The following LAMP1 variants were observed in gnomAD, a reference collection of about 807,000 sequenced individuals.
The protein encoded by LAMP1 is lysosome associated membrane protein 1.
Under a neutral mutation model 37.5 loss-of-function variants are expected in LAMP1, and 7 were observed. The observed-to-expected ratio is 0.19, with a 90% CI of 0.11 to 0.35. The LOEUF (loss-of-function observed/expected upper bound fraction) is 0.35. LAMP1 is among the 10% of genes least tolerant of loss of function. The probability of loss-of-function intolerance (pLI) is 1.00; values close to 1 mark genes in which losing one functional copy is unlikely to be tolerated. For missense variants in LAMP1, 537 were observed against 552.8 expected, an observed-to-expected ratio of 0.97 and a Z score of 0.29; for synonymous variants, 236 against 229.1, an observed-to-expected ratio of 1.03 and a Z score of -0.27.
chr13:113,320,618 C>A lies in LAMP1; in HGVS notation c.876+148C>A. On this transcript the variant is annotated intron_variant, in intron 6 of 8. Transcript: ENST00000332556. The surrounding 1 kb of genome is among the most constrained non-coding windows in gnomAD (Gnocchi z 4.4). ...CCCTTTATCCTGGGCTTTTTAGTTC[C>A]TTGGTTCCCCTCCCCCCTTTCCATT... 1.4e-6 allele frequency: 1 copy of A among 740,504 alleles called. No homozygotes were observed. The highest frequency in any genetic ancestry group is 2.2e-6 in the Non-Finnish European group (1 of 465,080). 45.9% of individuals were successfully genotyped at this position (740,504 alleles called of 1,614,324 possible).
intron 1 of LAMP1, 84 bp from the exon 2 acceptor site, chr13:113,306,401 C>A: frequency 7.0e-7 from 1 of 1,419,460 alleles, no homozygotes; most frequent in South Asian, 1.3e-5. Flanking sequence ...AAAGCCATCA[C>A]TGCTACAGCT....
At chr13:113,314,503 G>A (rs1356739284) in intron 4 of LAMP1, among the ~76,000 whole-genome samples, 1 of 71,220 alleles carries the variant, frequency 1.4e-5, no homozygotes, top group Non-Finnish European at 2.5e-5. Flanking sequence ...CCTGGGGCGT[G>A]GCCTCCTAGA....
chr13:113,310,806 C>T lies in LAMP1; in HGVS notation c.501C>T (p.Thr167=), dbSNP rs371847599. 47 of 1,613,696 alleles carry T rather than the reference C, an allele frequency of 2.9e-5. No individual in the cohort carries two copies. The highest frequency in any genetic ancestry group is 1.8e-4 in the South Asian group (16 of 91,052). Residue 167 remains threonine, a synonymous_variant, in exon 4 of 9, where the codon ACC becomes ACT. Coordinates refer to ENST00000332556, the MANE Select transcript of LAMP1 (RefSeq NM_005561.4). ...CCCAGGTCCACATGAACAACGTGAC[C>T]GTAACGCTCCATGATGCCACCATCC... The part of the protein sequence containing the change: ...SGTQVHMNNV[T]VTLHDATIQA...
At chr13:113,322,155 A>T in intron 8 of LAMP1, 127 bp from the exon 9 acceptor site, 1 of 1,070,030 alleles carries the variant, frequency 9.3e-7, no homozygotes, top group Non-Finnish European at 1.3e-6. Flanking sequence ...AATTCCAGCT[A>T]GAGCTGGAAC....
At chr13:113,314,792 G>T (rs574252084) in intron 4 of LAMP1, among the ~76,000 whole-genome samples, 36 of 66,732 alleles carry the variant, frequency 5.4e-4, no homozygotes, top group African/African-American at 2.2e-3. Context: ...CTGGGGCGTG[G>T]CCTCCTAGAG....
intron 4 of LAMP1, among the ~76,000 whole-genome samples, chr13:113,319,253 G>A (rs1230915112): frequency 6.6e-6 from 1 of 152,180 alleles, no homozygotes; most frequent in Non-Finnish European, 1.5e-5. Context: ...GGTGCCCCAC[G>A]GGCCTGTGCC....
rs1276570763 is a variant in LAMP1 at position 113,322,368 on chromosome 13, A to C, written c.1201A>C (p.Ile401Leu). 2.5e-6 allele frequency: 4 copies of C among 1,613,734 alleles called. No homozygotes were observed. The change falls in exon 9 of 9, where the codon ATC (isoleucine) becomes CTC (leucine). Residue 401 changes from isoleucine to leucine, a missense_variant. By Grantham distance (5) the Ile-to-Leu change is conservative (BLOSUM62 2). Transcript: ENST00000332556. ...GGCGGGGCTGGTCCTCATCGTCCTC[A>C]TCGCCTACCTCGTCGGCAGGAAGAG... Reference protein sequence around the residue: ...ALAGLVLIVLIAYLVGRKRSH... With the variant: ...ALAGLVLIVLLAYLVGRKRSH...
At chr13:113,310,650 C>A (rs1595460063) in intron 3 of LAMP1, 59 bp from the exon 4 acceptor site, 57 of 1,196,480 alleles carry the variant, frequency 4.8e-5, no homozygotes, top group South Asian at 2.5e-4. Context: ...AAATAAAAAA[C>A]ACATAAACTA....
intron 1 of LAMP1, among the ~76,000 whole-genome samples, chr13:113,299,315 A>G (rs934902835): frequency 2.0e-5 from 3 of 150,696 alleles, no homozygotes; most frequent in Non-Finnish European, 4.4e-5. Context: ...CCCAGGCTGG[A>G]GTGCAGTGGC....
At chr13:113,301,392 G>C (rs9577500) in intron 1 of LAMP1, among the ~76,000 whole-genome samples, 128,324 of 151,728 alleles carry the variant, frequency 0.85, 57,854 homozygotes, top group Non-Finnish European at 1. Flanking sequence ...AGGCCGAGGT[G>C]GGTGGATTGC....
At position 113,297,494 on chromosome 13, in the gene LAMP1, C is replaced by G. The variant is rs1210887029; in HGVS notation, c.60C>G (p.Leu20=). ...PLLLLLLLLL[L]GLMHCASAAM... ...TGCTGCTACTGCTGTTGCTGCTGCT[C>G]GGTGAGGGGGTCGAGGCGGGGCCTG... The change falls in exon 1 of 9, where the codon CTC becomes CTG. Residue 20 remains leucine (L), a splice_region_variant and synonymous_variant. Coordinates refer to ENST00000332556, the MANE Select transcript of LAMP1 (RefSeq NM_005561.4). This position sits in a 1 kb window ranked among gnomAD's most constrained non-coding sequence, Gnocchi z 4.4. The G allele has an allele frequency of 8.0e-7, 1 of 1,252,482 alleles. No individual in the cohort carries two copies. Among genetic ancestry groups the G allele is most frequent in the African/African-American group, 1.6e-5 (1 of 64,436 alleles). 77.6% of individuals were successfully genotyped at this position (1,252,482 alleles called of 1,614,324 possible).
chr13:113,308,919 A>G (rs2042614706), intron 2 of LAMP1, among the ~76,000 whole-genome samples: 1 of 152,146 alleles, frequency 6.6e-6, no homozygotes, highest in Non-Finnish European at 1.5e-5. Flanking sequence ...AAATTTAAAC[A>G]TTTCTGCTAT....
intron 4 of LAMP1, among the ~76,000 whole-genome samples, chr13:113,318,917 T>C (rs2042681458): frequency 6.6e-6 from 1 of 152,158 alleles, no homozygotes; most frequent in Non-Finnish European, 1.5e-5. Context: ...CCTCCTTGGC[T>C]GCTCTGCGTC....
rs749079016 is a variant in LAMP1 at position 113,309,765 on chromosome 13, C to A, written c.306C>A (p.Leu102=). 2 of 1,614,198 alleles carry A rather than the reference C, an allele frequency of 1.2e-6. No homozygotes were observed. Among genetic ancestry groups the A allele is most frequent in the Admixed American group, 3.3e-5 (2 of 60,024 alleles). ...TTGGAAGAGGACATACACTCACTCT[C>A]AATTTCACGAGAAATGCAACACGTT... is the stretch of plus-strand genomic sequence containing the variant. ...IAFGRGHTLT[L]NFTRNATRYS... The change falls in exon 3 of 9, where the codon CTC becomes CTA. Residue 102 remains leucine, a synonymous_variant. Transcript: ENST00000332556.
In LAMP1 at chr13:113,313,646, T is replaced by C. The variant is rs971482682; in HGVS notation, c.562+2779T>C. The stretch of plus-strand genomic sequence containing the variant: ...TCGGTGTGCCTGGGGTGTGGCCTCC[T>C]GGAGGGAGTCAGTGTGGAGATGCCC... On this transcript the variant is annotated intron_variant, in intron 4 of 8. Transcript: ENST00000332556. Among the ~76,000 whole-genome samples the C allele has an allele frequency of 6.2e-4, 90 of 145,340 alleles. 1 individual carries two copies. Among genetic ancestry groups the C allele is most frequent in the Middle Eastern group, 3.6e-3 (1 of 280 alleles).
intron 2 of LAMP1, among the ~76,000 whole-genome samples, chr13:113,308,765 A>G (rs1270603729): frequency 6.6e-6 from 1 of 152,184 alleles, no homozygotes; most frequent in Non-Finnish European, 1.5e-5. Context: ...TATTTCACAG[A>G]ACATGTCTTT....
intron 4 of LAMP1, among the ~76,000 whole-genome samples, chr13:113,319,190 G>A (rs974981938): frequency 1.3e-5 from 2 of 152,206 alleles, no homozygotes; most frequent in African/African-American, 4.8e-5. Context: ...TGTGGTGGGC[G>A]GTGCCTGCTG....
At position 113,297,563 on chromosome 13, in the gene LAMP1, G is replaced by T; in HGVS notation, c.61+68G>T. On this transcript the variant is annotated intron_variant, in intron 1 of 8. Coordinates refer to ENST00000332556, the MANE Select transcript of LAMP1 (RefSeq NM_005561.4). This position sits in a 1 kb window ranked among gnomAD's most constrained non-coding sequence, Gnocchi z 4.4. ...GGAGCCGAGGTCCCTGGGTCTTGAG[G>T]GCGGGGGACTGCCGGGTCGTTGTCC... is the stretch of plus-strand genomic sequence containing the variant. 1 of 1,199,114 alleles carries T rather than the reference G, an allele frequency of 8.3e-7. No individual in the cohort carries two copies. The highest frequency in any genetic ancestry group is 4.1e-5 in the South Asian group (1 of 24,272). The allele number at this position is 1,199,114 out of a possible 1,614,324, so 74.3% of individuals were successfully genotyped here. A position where few individuals can be genotyped will look rare whatever the true frequency, so the allele number is the denominator to read the frequency against.
chr13:113,323,198 G>T lies in LAMP1; in HGVS notation c.*777G>T, dbSNP rs1482236398. On this transcript the variant is annotated 3_prime_UTR_variant, in exon 9 of 9. Coordinates refer to ENST00000332556, the MANE Select transcript of LAMP1 (RefSeq NM_005561.4). ...TCCTTGGGCGTCTCTAATGTCTGCA[G>T]CTCAAGGGCTGGCACTTTTTTAAAT... 5 of 152,190 alleles carry T rather than the reference G, an allele frequency of 3.3e-5. No individual in the cohort carries two copies. The highest frequency in any genetic ancestry group is 7.3e-5 in the Non-Finnish European group (5 of 68,048). The allele number at this position is 152,190 out of a possible 1,614,324, so 9.4% of individuals were successfully genotyped here.
Sources: gnomAD v4.1 joint callset for allele counts (sites outside exome capture counted in the v4.1 genomes callset) on GRCh38, gnomAD v4.1.1 for gene constraint, Gnocchi (gnomAD v3.1) non-coding constraint, MANE v1.5 for transcripts, NCBI Gene and HGNC (gene_info 2026-07-23, HGNC 2026-07-21) for gene names.